ANO4: variants seen among roughly 807,000 people sequenced by gnomAD.
The protein encoded by ANO4 is anoctamin-4.
A neutral mutation model predicts 141.9 loss-of-function variants in ANO4; 69 were observed. The observed-to-expected ratio is 0.49, with a 90% confidence interval of 0.40 to 0.59. The LOEUF is 0.59. ANO4 is among the 20% of genes least tolerant of loss of function. ANO4 has a pLI of 0.00. For synonymous variants in ANO4, 350 were observed against 394.3 expected (o/e 0.89, Z 1.33); for missense variants, 894 against 1,162.2 (o/e 0.77, Z 3.36).
intron 3 of ANO4, among the ~76,000 whole-genome samples, chr12:100,740,534 A>G (rs1434996244): frequency 6.6e-6 from 1 of 152,170 alleles, no homozygotes; most frequent in Non-Finnish European, 1.5e-5. Flanking sequence ...TAATTTATTG[A>G]ATGCTCTATT....
chr12:100,883,786 A>G (rs1242343782), intron 1 of ANO4, among the ~76,000 whole-genome samples: 1 of 152,234 alleles, frequency 6.6e-6, no homozygotes, highest in East Asian at 1.9e-4. Flanking sequence ...CAACTTTTAA[A>G]AAAGATCATA....
chr12:101,012,434 G>C (rs1202037400), intron 8 of ANO4, among the ~76,000 whole-genome samples: 2 of 152,132 alleles, frequency 1.3e-5, no homozygotes, highest in African/African-American at 4.8e-5. Flanking sequence ...TGATGAAGAG[G>C]TGACATTTAA....
intron 1 of ANO4, among the ~76,000 whole-genome samples, chr12:100,857,005 TAGTG>T (rs1200961386): frequency 1.3e-5 from 2 of 152,074 alleles, no homozygotes; most frequent in Non-Finnish European, 2.9e-5. Context: ...CTTCTCTAGT[TAGTG>T]AGTTTATCAA....
chr12:100,853,578 C>A (rs76626327), intron 1 of ANO4, among the ~76,000 whole-genome samples: 3,420 of 151,912 alleles, frequency 0.023, 124 homozygotes, highest in African/African-American at 0.078. Context: ...TCTTAGTTAC[C>A]ATAGTTTTTA....
At chr12:100,787,990 G>A (rs1416170373) in intron 3 of ANO4, among the ~76,000 whole-genome samples, 1 of 152,178 alleles carries the variant, frequency 6.6e-6, no homozygotes, top group African/African-American at 2.4e-5. Context: ...TGGACATGCT[G>A]TTGCTAATTG....
intron 1 of ANO4, among the ~76,000 whole-genome samples, chr12:100,804,146 G>A (rs905504342): frequency 6.6e-6 from 1 of 152,112 alleles, no homozygotes; most frequent in Non-Finnish European, 1.5e-5. Context: ...GTTCCCCACA[G>A]TGTGTCCATG....
At chr12:100,927,808 T>C (rs1294405955) in intron 3 of ANO4, among the ~76,000 whole-genome samples, 1 of 152,128 alleles carries the variant, frequency 6.6e-6, no homozygotes, top group Non-Finnish European at 1.5e-5. Flanking sequence ...ATATATACTG[T>C]AGGGACACTC....
At chr12:100,923,045 GTTGGAT>G (rs1441036465) in intron 3 of ANO4, among the ~76,000 whole-genome samples, 3 of 152,074 alleles carry the variant, frequency 2.0e-5, no homozygotes, top group Non-Finnish European at 4.4e-5. Context: ...TTTATCTCAT[GTTGGAT>G]TTGAGGGATT....
intron 16 of ANO4, among the ~76,000 whole-genome samples, chr12:101,084,119 G>GGAGT (rs1186865195): frequency 2.0e-5 from 3 of 152,146 alleles, no homozygotes; most frequent in Non-Finnish European, 4.4e-5. Flanking sequence ...GATGCTGAAA[G>GGAGT]GAGTCAAAAA....
chr12:101,030,323 T>C (rs1200134777), intron 9 of ANO4, among the ~76,000 whole-genome samples: 1 of 152,172 alleles, frequency 6.6e-6, no homozygotes, highest in East Asian at 1.9e-4. Flanking sequence ...ATTAAGAAAC[T>C]TATTAAAAAC....
At chr12:100,750,954 A>G (rs2032345977) in intron 3 of ANO4, among the ~76,000 whole-genome samples, 1 of 152,040 alleles carries the variant, frequency 6.6e-6, no homozygotes, top group Non-Finnish European at 1.5e-5. Context: ...TGTGTGGTAG[A>G]TGGAGGGAAG....
At position 101,042,354 on chromosome 12, in the gene ANO4, T is replaced by C; in HGVS notation, c.1040T>C (p.Ile347Thr). 1 of 1,614,116 alleles carries C rather than the reference T, an allele frequency of 6.2e-7. No homozygotes were observed. The highest frequency in any genetic ancestry group is 8.5e-7 in the Non-Finnish European group (1 of 1,179,988). The change falls in exon 12 of 28, where the codon ATT becomes ACT. Residue 347 changes from isoleucine to threonine, a missense_variant. Physicochemically the swap from Ile to Thr is moderately conservative, Grantham distance 89. Transcript: ENST00000392977. ...AACAGGCGGTACTTTGGAGAGAAGA[T>C]TGGGTTATATTTTGCCTGGTTGGGC... ...DLVRRYFGEK[I>T]GLYFAWLGWY...
chr12:100,982,063 G>GA (rs2044491757), intron 7 of ANO4, among the ~76,000 whole-genome samples: 4 of 152,134 alleles, frequency 2.6e-5, no homozygotes, highest in Admixed American at 2.6e-4. Flanking sequence ...TCAGCATGAA[G>GA]GAAACCTGAG....
intron 1 of ANO4, among the ~76,000 whole-genome samples, chr12:100,809,112 A>G (rs2035238791): frequency 6.6e-6 from 1 of 152,174 alleles, no homozygotes; most frequent in South Asian, 2.1e-4. Context: ...GAATTATAAT[A>G]ATATAAGGTA....
At chr12:100,849,375 A>G (rs921016508) in intron 1 of ANO4, among the ~76,000 whole-genome samples, 1 of 152,226 alleles carries the variant, frequency 6.6e-6, no homozygotes, top group Non-Finnish European at 1.5e-5. Context: ...ATAAAATAGT[A>G]TACAGGGAAG....
chr12:100,819,638 C>T (rs2035926660), intron 1 of ANO4, among the ~76,000 whole-genome samples: 1 of 151,844 alleles, frequency 6.6e-6, no homozygotes, highest in Non-Finnish European at 1.5e-5. Context: ...AGGTTCGCTG[C>T]TCTATACTTT....
chr12:100,948,023 A>G lies in ANO4; in HGVS notation c.456+5488A>G, dbSNP rs201745705. On this transcript the variant is annotated intron_variant, in intron 5 of 27. Coordinates refer to ENST00000392977, the MANE Select transcript of ANO4 (RefSeq NM_001286615.2). ...ATGGTGAAACCCTGTCTTTACTAAAAATACAACAACAACAAAAAAAATTAG... is the reference window on the plus strand; with the variant it reads ...ATGGTGAAACCCTGTCTTTACTAAAGATACAACAACAACAAAAAAAATTAG... Among the ~76,000 whole-genome samples, 7 of 152,084 alleles carry G rather than the reference A, an allele frequency of 4.6e-5. No homozygotes were observed. In the East Asian group the frequency reaches 1.4e-3, roughly 29 times the overall value.
intron 3 of ANO4, among the ~76,000 whole-genome samples, chr12:100,765,614 G>A (rs1410430920): frequency 1.3e-5 from 2 of 149,464 alleles, no homozygotes; most frequent in Non-Finnish European, 3.0e-5. Context: ...GGGCTCAAGC[G>A]ATCTTTCCGC....
chr12:100,765,762 ATAAT>A (rs1281451770), intron 3 of ANO4, among the ~76,000 whole-genome samples: 2 of 151,354 alleles, frequency 1.3e-5, no homozygotes, highest in Non-Finnish European at 2.9e-5. Context: ...TTTATAAATA[ATAAT>A]TATGTATATT....
Sources: allele counts gnomAD v4.1 joint callset (sites outside exome capture counted in the v4.1 genomes callset), GRCh38; gene constraint gnomAD v4.1.1; transcripts MANE v1.5; gene names NCBI Gene and HGNC (gene_info 2026-07-23, HGNC 2026-07-21).